Variants in RSF1 observed in about 807,000 individuals in gnomAD.
The protein encoded by RSF1 is remodeling and spacing factor 1.
A neutral mutation model predicts 145.2 loss-of-function variants in RSF1; 13 were observed. The ratio of observed to expected loss-of-function variants is 0.09; its 90% CI spans 0.06 to 0.14. RSF1 has a LOEUF of 0.14. Among genes scored for constraint, RSF1 ranks in the 10% least tolerant of loss-of-function variants. The probability of loss-of-function intolerance (pLI) is 1.00; values close to 1 mark genes in which losing one functional copy is unlikely to be tolerated. For missense variants in RSF1, 1,517 were observed against 1,718.2 expected (o/e 0.88, Z 2.07); for synonymous variants, 577 against 592.6 (o/e 0.97, Z 0.38).
intron 1 of RSF1, among the ~76,000 whole-genome samples, chr11:77,767,887 C>G (rs561222883): frequency 6.6e-6 from 1 of 152,162 alleles, no homozygotes; most frequent in South Asian, 2.1e-4. Flanking sequence ...AAAGCCAATA[C>G]AAGACAAAAA....
chr11:77,740,871 G>A lies in RSF1; in HGVS notation c.438C>T (p.Ala146=), dbSNP rs773193267. ...KFKNIINEED[A]DTMRLQPIGR... ...CAATTGGCTGGAGACGCATAGTATC[G>A]GCATCCTCCTCATTAATAATATTCT... The change falls in exon 4 of 16, where the codon GCC becomes GCT. Residue 146 remains alanine (A), a synonymous_variant. Coordinates refer to ENST00000308488, the MANE Select transcript of RSF1 (RefSeq NM_016578.4). 3.8e-5 allele frequency: 62 copies of A among 1,613,850 alleles called. No homozygotes were observed. Among genetic ancestry groups the A allele is most frequent in the Admixed American group, 2.2e-4 (13 of 59,992 alleles).
Position 77,666,829 on chromosome 11 carries a change from C to A in RSF1, c.*88G>T. On this transcript the variant is annotated 3_prime_UTR_variant, in exon 16 of 16. Transcript: ENST00000308488. ...AAAAGTCATTCTGTAGTGGAGTTTT[C>A]TAGGAAAAATTAAACAGCTTTTAAT... 3 of 1,158,250 alleles carry A rather than the reference C, an allele frequency of 2.6e-6. No individual in the cohort carries two copies. The highest frequency in any genetic ancestry group is 2.4e-6 in the Non-Finnish European group (2 of 838,806). The allele number at this position is 1,158,250 out of a possible 1,614,324, so 71.7% of individuals were successfully genotyped here.
intron 5 of RSF1, among the ~76,000 whole-genome samples, chr11:77,708,230 G>C (rs548496089): frequency 7.9e-4 from 121 of 152,224 alleles, no homozygotes; most frequent in Non-Finnish European, 1.5e-3. Context: ...GACCAGCCTG[G>C]GCAACATAAT....
chr11:77,700,936 C>T lies in RSF1; in HGVS notation c.2293G>A (p.Glu765Lys), dbSNP rs768471078. The change falls in exon 6 of 16, where the codon GAA becomes AAA. Residue 765 changes from glutamate to lysine, a missense_variant. By Grantham distance (56) the Glu-to-Lys change is moderately conservative. Transcript: ENST00000308488. ...PENKQEKTEK[E>K]EEKTNVGRTL... is the part of the protein sequence containing the mutation. Reference sequence around the variant, plus strand: ...CGACCCACATTTGTTTTCTCCTCTTCCTTTTCTGTCTTCTCTTGCTTGTTT... The same window carrying T: ...CGACCCACATTTGTTTTCTCCTCTTTCTTTTCTGTCTTCTCTTGCTTGTTT... The T allele has an allele frequency of 5.6e-6, 9 of 1,613,158 alleles. No homozygotes were observed. In the East Asian group the frequency reaches 6.7e-5, roughly 12 times the overall value.
intron 1 of RSF1, among the ~76,000 whole-genome samples, chr11:77,810,414 G>A (rs1257872972): frequency 6.6e-6 from 1 of 152,166 alleles, no homozygotes. Context: ...AAAGCTTTTA[G>A]ACTCACCTAA....
At chr11:77,756,480 A>T (rs1027054884) in intron 2 of RSF1, among the ~76,000 whole-genome samples, 6 of 152,180 alleles carry the variant, frequency 3.9e-5, no homozygotes, top group African/African-American at 1.4e-4. Flanking sequence ...GTAAATTCTC[A>T]TAACAACCTT....
chr11:77,790,527 C>T (rs1948506398), intron 1 of RSF1, among the ~76,000 whole-genome samples: 1 of 152,158 alleles, frequency 6.6e-6, no homozygotes. Flanking sequence ...CCCCCAAAGT[C>T]TTAACTCATT....
intron 1 of RSF1, among the ~76,000 whole-genome samples, chr11:77,783,629 C>A (rs1034578209): frequency 6.6e-6 from 1 of 152,010 alleles, no homozygotes; most frequent in African/African-American, 2.4e-5. Flanking sequence ...ATTGCTTGAG[C>A]CCAGGAGTTT....
At chr11:77,763,382 T>G (rs1200732919) in intron 2 of RSF1, 1 of 151,316 alleles carries the variant, frequency 6.6e-6, no homozygotes, top group African/African-American at 2.4e-5. Flanking sequence ...TTCAAGAAAC[T>G]TACAATATAC....
intron 1 of RSF1, among the ~76,000 whole-genome samples, chr11:77,779,531 C>T (rs969909282): frequency 2.6e-5 from 4 of 151,912 alleles, no homozygotes; most frequent in South Asian, 2.1e-4. Context: ...TACAGGCATG[C>T]GCCACCACGC....
intron 11 of RSF1, among the ~76,000 whole-genome samples, chr11:77,682,755 A>G (rs1454300215): frequency 6.6e-6 from 1 of 152,248 alleles, no homozygotes; most frequent in African/African-American, 2.4e-5. Flanking sequence ...AACCACACTC[A>G]TTACAATTGT....
At chr11:77,849,697 A>G in the RSF1 span, among the ~76,000 whole-genome samples, 4 of 152,056 alleles carry the variant, frequency 2.6e-5, no homozygotes, top group Non-Finnish European at 4.4e-5. Flanking sequence ...CCTATATTTC[A>G]TAACACATAT....
intron 11 of RSF1, among the ~76,000 whole-genome samples, chr11:77,679,889 G>A (rs1223446935): frequency 6.6e-6 from 1 of 152,128 alleles, no homozygotes; most frequent in African/African-American, 2.4e-5. Flanking sequence ...TTTTACTTCA[G>A]GGCTCAGCCA....
At position 77,725,590 on chromosome 11, in the gene RSF1, A is replaced by T. The variant is rs1197194045; in HGVS notation, c.688T>A (p.Leu230Ile). The change falls in exon 5 of 16, where the codon TTA becomes ATA. Residue 230 changes from leucine to isoleucine, a missense_variant. This residue lies in a region of RSF1 where 207 missense variants were observed against 191.4 expected (regional missense o/e 1.08). Transcript: ENST00000308488. ...QDNSSRESPS[L>I]EDEETKKEEE... ...TCTTTTTTAGTCTCCTCATCCTCTA[A>T]GCTGGGACTTTCCCGAGAAGAGTTG... 1 of 1,607,722 alleles carries T rather than the reference A, an allele frequency of 6.2e-7. No individual in the cohort carries two copies.
chr11:77,746,967 C>T, intron 3 of RSF1, 69 bp downstream of exon 3: 1 of 925,670 alleles, frequency 1.1e-6, no homozygotes, highest in Non-Finnish European at 1.7e-6. Context: ...TGTTTATTTT[C>T]CAATTTAACC....
intron 2 of RSF1, among the ~76,000 whole-genome samples, chr11:77,759,331 C>T (rs577114743): frequency 1.8e-3 from 267 of 151,862 alleles, no homozygotes; most frequent in Middle Eastern, 6.8e-3. Flanking sequence ...GGCAATGTGG[C>T]GAGATGCCAC....
chr11:77,750,374 A>G (rs571083867), intron 2 of RSF1, among the ~76,000 whole-genome samples: 1 of 152,352 alleles, frequency 6.6e-6, no homozygotes, highest in South Asian at 2.1e-4. Flanking sequence ...TAGAATATAC[A>G]TAAATGAACA....
intron 5 of RSF1, among the ~76,000 whole-genome samples, chr11:77,713,821 A>C (rs908317195): frequency 2.0e-5 from 3 of 152,070 alleles, no homozygotes; most frequent in African/African-American, 7.2e-5. Flanking sequence ...CCTACCACTT[A>C]TTATAGTGCT....
chr11:77,667,502 C>G lies in RSF1; in HGVS notation c.3752-11G>C. 1.9e-6 allele frequency: 3 copies of G among 1,598,568 alleles called. No homozygotes were observed. The highest frequency in any genetic ancestry group is 2.6e-6 in the Non-Finnish European group (3 of 1,173,608). Reference sequence around the variant, plus strand: ...TGGACAAATAGCTCTCTAGAATAAACAGCACATTTAAGCCATTGGCACGGT... The same window carrying G: ...TGGACAAATAGCTCTCTAGAATAAAGAGCACATTTAAGCCATTGGCACGGT... On this transcript the variant is annotated splice_polypyrimidine_tract_variant and intron_variant, in intron 15 of 15. Coordinates refer to ENST00000308488, the MANE Select transcript of RSF1 (RefSeq NM_016578.4).
Sources: gnomAD v4.1 joint callset for allele counts (sites outside exome capture counted in the v4.1 genomes callset) on GRCh38, gnomAD v4.1.1 for gene constraint, gnomAD v4.1.1 regional missense constraint, MANE v1.5 for transcripts, NCBI Gene and HGNC (gene_info 2026-07-23, HGNC 2026-07-21) for gene names.